Variants in RPSA2 observed in about 807,000 individuals in gnomAD.
The protein encoded by RPSA2 is ribosomal protein SA 2, also known as small ribosomal subunit protein uS2B.
the RPSA2 span, among the ~76,000 whole-genome samples, chr19:23,795,492 A>C: frequency 3.8e-3 from 572 of 152,224 alleles, 4 homozygotes; most frequent in African/African-American, 0.013. Context: ...GCTGATTTAC[A>C]GGGATGATAC....
the RPSA2 span, among the ~76,000 whole-genome samples, chr19:23,792,653 T>TA: frequency 6.6e-6 from 1 of 151,344 alleles, no homozygotes; most frequent in African/African-American, 2.4e-5. Context: ...TAGCTGGAAT[T>TA]ACAGGCGCGC....
the RPSA2 span, among the ~76,000 whole-genome samples, chr19:23,806,636 T>A: frequency 3.3e-5 from 5 of 151,434 alleles, no homozygotes; most frequent in Non-Finnish European, 5.9e-5. Context: ...ATACAAAAAA[T>A]TAGCCAGGCA....
At chr19:23,761,922 T>C in the RPSA2 span, among the ~76,000 whole-genome samples, 171 of 99,046 alleles carry the variant, frequency 1.7e-3, 18 homozygotes, top group African/African-American at 5.5e-3. Context: ...CTTTCTTTCT[T>C]TTTTTTTTTT....
the RPSA2 span, among the ~76,000 whole-genome samples, chr19:23,773,529 G>T: frequency 6.6e-6 from 1 of 152,032 alleles, no homozygotes; most frequent in East Asian, 1.9e-4. Context: ...TGATCTGCCC[G>T]CCTCAGTCTC....
chr19:23,806,620 C>CA, the RPSA2 span, among the ~76,000 whole-genome samples: 3 of 151,392 alleles, frequency 2.0e-5, no homozygotes, highest in South Asian at 4.2e-4. Context: ...CCCATCCCTA[C>CA]AAAAAATACA....
chr19:23,829,976 C>T, the RPSA2 span, among the ~76,000 whole-genome samples: 2 of 150,668 alleles, frequency 1.3e-5, no homozygotes, highest in African/African-American at 4.9e-5. Context: ...GTAAAAGGAA[C>T]TGTTGTTAGC....
At chr19:23,864,423 T>C in the RPSA2 span, among the ~76,000 whole-genome samples, 1 of 152,180 alleles carries the variant, frequency 6.6e-6, no homozygotes, top group African/African-American at 2.4e-5. Flanking sequence ...AAGACAGCCA[T>C]ATGTAACACA....
chr19:23,779,053 T>G, the RPSA2 span, among the ~76,000 whole-genome samples: 1 of 124,700 alleles, frequency 8.0e-6, no homozygotes, highest in Admixed American at 1.1e-4. Context: ...CAGGCTGGAG[T>G]GCAGTGGCGC....
At chr19:23,836,533 C>A in the RPSA2 span, among the ~76,000 whole-genome samples, 1 of 152,140 alleles carries the variant, frequency 6.6e-6, no homozygotes, top group African/African-American at 2.4e-5. Context: ...GGTAGATACC[C>A]AGTAGTGGGA....
chr19:23,764,748 A>G, the RPSA2 span, among the ~76,000 whole-genome samples: 1 of 151,878 alleles, frequency 6.6e-6, no homozygotes, highest in East Asian at 1.9e-4. Context: ...CCAAGTCTGT[A>G]AACATTTTAT....
chr19:23,848,369 G>A, the RPSA2 span, among the ~76,000 whole-genome samples: 1 of 151,952 alleles, frequency 6.6e-6, no homozygotes, highest in Non-Finnish European at 1.5e-5. Flanking sequence ...TCTTTGACTG[G>A]TCCAGCACAC....
the RPSA2 span, among the ~76,000 whole-genome samples, chr19:23,762,333 G>A: frequency 0.17 from 25,163 of 151,890 alleles, 2,922 homozygotes; most frequent in East Asian, 0.51. Context: ...TGAGAGAGGC[G>A]CTCAGGGATG....
chr19:23,777,807 C>T, the RPSA2 span, among the ~76,000 whole-genome samples: 1 of 152,030 alleles, frequency 6.6e-6, no homozygotes, highest in Non-Finnish European at 1.5e-5. Flanking sequence ...TCTACTTAGG[C>T]TATTGTGAAG....
At chr19:23,829,538 T>A in the RPSA2 span, among the ~76,000 whole-genome samples, 4 of 152,212 alleles carry the variant, frequency 2.6e-5, no homozygotes, top group Admixed American at 6.5e-5. Context: ...TGACTTCAGG[T>A]GATCCACCCG....
chr19:23,778,808 T>A, the RPSA2 span, among the ~76,000 whole-genome samples: 1 of 152,010 alleles, frequency 6.6e-6, no homozygotes, highest in Non-Finnish European at 1.5e-5. Flanking sequence ...GTGATAAGAC[T>A]CTTCATTTGC....
chr19:23,866,008 T>G, the RPSA2 span, among the ~76,000 whole-genome samples: 1 of 152,178 alleles, frequency 6.6e-6, no homozygotes, highest in Non-Finnish European at 1.5e-5. Context: ...TGGCAAGAAA[T>G]GTGTGCAGAC....
the RPSA2 span, among the ~76,000 whole-genome samples, chr19:23,850,468 A>C: frequency 8.9e-5 from 13 of 146,350 alleles, no homozygotes; most frequent in South Asian, 2.7e-3. Context: ...GGAGGATTGA[A>C]CCAGACCCAT....
At chr19:23,813,595 T>G in the RPSA2 span, among the ~76,000 whole-genome samples, 1 of 152,088 alleles carries the variant, frequency 6.6e-6, no homozygotes, top group African/African-American at 2.4e-5. Flanking sequence ...GGTCCTATAT[T>G]GCATATTTTA....
chr19:23,836,628 C>G, the RPSA2 span, among the ~76,000 whole-genome samples: 10 of 152,256 alleles, frequency 6.6e-5, no homozygotes, highest in African/African-American at 2.4e-4. Flanking sequence ...TTGACATTCC[C>G]ACCGGCAGTG....
Sources: allele counts gnomAD v4.1 joint callset (sites outside exome capture counted in the v4.1 genomes callset), GRCh38; gene constraint gnomAD v4.1.1; transcripts MANE v1.5; gene names NCBI Gene and HGNC (gene_info 2026-07-23, HGNC 2026-07-21).